HK1: variants seen among roughly 807,000 people sequenced by gnomAD.
HK1 encodes hexokinase 1, also known as hexokinase-1.
Under a neutral mutation model 91.6 loss-of-function variants are expected in HK1, and 28 were observed. The observed-to-expected ratio is 0.31, with a 90% CI of 0.23 to 0.42. HK1 has a LOEUF of 0.42. Ranked by LOEUF, HK1 falls within the 10% of genes least tolerant of loss-of-function variation. HK1 has a pLI of 1.00. For missense variants in HK1, 770 were observed against 1,219.8 expected (o/e 0.63, Z 5.49); for synonymous variants, 430 against 468.1 (o/e 0.92, Z 1.05).
upstream of HK1, among the ~76,000 whole-genome samples, chr10:69,317,699 C>G (rs548784399): frequency 1.3e-5 from 2 of 152,146 alleles, no homozygotes; most frequent in Non-Finnish European, 2.9e-5. Context: ...AAGCTGTGAT[C>G]CTAGATCTAC....
intron 1 of HK1, among the ~76,000 whole-genome samples, chr10:69,319,791 T>G (rs1754834865): frequency 6.6e-6 from 1 of 152,218 alleles, no homozygotes; most frequent in Admixed American, 6.5e-5. Context: ...CATCTTAGTG[T>G]AAAATACTGT....
chr10:69,291,569 A>AGCT (rs1845297478), intron 3 of HK1, among the ~76,000 whole-genome samples: 1 of 152,164 alleles, frequency 6.6e-6, no homozygotes, highest in African/African-American at 2.4e-5. Context: ...AAGCTTGTAC[A>AGCT]GCTGGTCCTG....
At chr10:69,386,087 G>C (rs911062215) in intron 12 of HK1, among the ~76,000 whole-genome samples, 1 of 137,322 alleles carries the variant, frequency 7.3e-6, no homozygotes, top group African/African-American at 2.8e-5. Context: ...CTTAGACATT[G>C]CTATTTACCT....
intron 14 of HK1, 173 bp downstream of exon 14, chr10:69,389,469 CG>C (rs1839797849): frequency 1.5e-5 from 3 of 200,506 alleles, no homozygotes; most frequent in South Asian, 2.5e-5. Flanking sequence ...GAGTCTCTGG[CG>C]GGGGGAGGTG....
intron 7 of HK1, among the ~76,000 whole-genome samples, chr10:69,371,089 C>T (rs1210961211): frequency 6.6e-6 from 1 of 152,212 alleles, no homozygotes; most frequent in Non-Finnish European, 1.5e-5. Context: ...CTCAGTACTG[C>T]AGGGTGGACA....
chr10:69,305,232 A>C (rs979514278), intron 5 of HK1, among the ~76,000 whole-genome samples: 10 of 152,158 alleles, frequency 6.6e-5, no homozygotes, highest in Admixed American at 3.9e-4. Context: ...CTCTTAAGGG[A>C]GGCTCCAGAA....
chr10:69,316,671 T>C (rs1846661689), upstream of HK1, among the ~76,000 whole-genome samples: 1 of 152,236 alleles, frequency 6.6e-6, no homozygotes, highest in South Asian at 2.1e-4. Context: ...TCTCCCTGGC[T>C]CCAGCTCAGA....
chr10:69,358,290 A>G (rs971508274), intron 2 of HK1, among the ~76,000 whole-genome samples: 1 of 152,310 alleles, frequency 6.6e-6, no homozygotes. Flanking sequence ...CTGTGGCTTA[A>G]TGGTTGGAAC....
intron 1 of HK1, chr10:69,338,648 C>T (rs1209141696): frequency 7.8e-7 from 1 of 1,287,144 alleles, no homozygotes; most frequent in Admixed American, 2.3e-5. Flanking sequence ...GAGGCAGCAC[C>T]TAAGAGAAGG....
intron 1 of HK1, among the ~76,000 whole-genome samples, chr10:69,280,511 A>T (rs1467260152): frequency 6.6e-6 from 1 of 152,168 alleles, no homozygotes; most frequent in African/African-American, 2.4e-5. Flanking sequence ...CCAAATTCAT[A>T]ATTGAAACCT....
chr10:69,340,642 C>T (rs935677717), intron 1 of HK1, among the ~76,000 whole-genome samples: 1 of 152,202 alleles, frequency 6.6e-6, no homozygotes, highest in African/African-American at 2.4e-5. Context: ...ATCCTCCTGC[C>T]TCGGCCTCCC....
intron 3 of HK1, among the ~76,000 whole-genome samples, chr10:69,291,327 A>G (rs531197288): frequency 6.6e-6 from 1 of 152,230 alleles, no homozygotes; most frequent in Non-Finnish European, 1.5e-5. Context: ...GGGATCTCAG[A>G]CACAGATGGA....
intron 15 of HK1, among the ~76,000 whole-genome samples, chr10:69,393,162 G>A (rs569969033): frequency 6.0e-4 from 91 of 152,094 alleles, no homozygotes; most frequent in Non-Finnish European, 1.1e-3. Context: ...TGTATTTTTA[G>A]TAGAGACGGG....
chr10:69,299,460 G>A (rs1845741099), intron 4 of HK1, among the ~76,000 whole-genome samples: 1 of 151,094 alleles, frequency 6.6e-6, no homozygotes, highest in African/African-American at 2.5e-5. Context: ...TTCGCCTCCT[G>A]GGTTCAAGCG....
intron 3 of HK1, among the ~76,000 whole-genome samples, chr10:69,363,138 A>G (rs1243916551): frequency 6.6e-6 from 1 of 152,176 alleles, no homozygotes; most frequent in East Asian, 1.9e-4. Flanking sequence ...TGGCTCTCCT[A>G]AGACAGCCTT....
intron 2 of HK1, among the ~76,000 whole-genome samples, chr10:69,345,787 G>A (rs1044183061): frequency 4.6e-5 from 7 of 152,146 alleles, no homozygotes; most frequent in African/African-American, 1.7e-4. Flanking sequence ...ACTGTTTCCA[G>A]GATTGAGAGT....
intron 14 of HK1, among the ~76,000 whole-genome samples, chr10:69,390,788 G>C (rs1300953250): frequency 2.6e-5 from 4 of 152,176 alleles, no homozygotes; most frequent in Non-Finnish European, 5.9e-5. Context: ...TCAGGTCCTG[G>C]CCCTAGCCTC....
At chr10:69,325,167 T>G (rs948874205) in intron 1 of HK1, among the ~76,000 whole-genome samples, 3 of 147,570 alleles carry the variant, frequency 2.0e-5, no homozygotes, top group African/African-American at 7.5e-5. Flanking sequence ...TTCTCCTGCC[T>G]CAGCCTCCTG....
chr10:69,352,623 G>A (rs900377477), intron 2 of HK1, among the ~76,000 whole-genome samples: 2 of 152,190 alleles, frequency 1.3e-5, no homozygotes, highest in Non-Finnish European at 2.9e-5. Context: ...AGACACAAAG[G>A]ACCTAATATT....
Sources: allele counts gnomAD v4.1 joint callset (sites outside exome capture counted in the v4.1 genomes callset), GRCh38; gene constraint gnomAD v4.1.1; transcripts MANE v1.5; gene names NCBI Gene and HGNC (gene_info 2026-07-23, HGNC 2026-07-21).